The following PDS5B variants were observed in gnomAD, a reference collection of about 807,000 sequenced individuals.
The protein encoded by PDS5B is sister chromatid cohesion protein PDS5 homolog B.
PDS5B carries 51 observed loss-of-function variants against 184.1 expected under a neutral mutation model. The ratio of observed to expected loss-of-function variants is 0.28; its 90% CI spans 0.22 to 0.35. PDS5B has a LOEUF of 0.35. PDS5B is among the 10% of genes least tolerant of loss of function. The pLI, the probability that PDS5B is intolerant of heterozygous loss-of-function variation, is 1.00. For synonymous variants in PDS5B, 566 were observed against 569.2 expected, an observed-to-expected ratio of 0.99 and a Z score of 0.08; for missense variants, 1,180 against 1,723.3, an observed-to-expected ratio of 0.68 and a Z score of 5.58.
At position 32,613,897 on chromosome 13, in the gene PDS5B, T is replaced by G. The variant is rs189224639; in HGVS notation, c.-20+27304T>G. Among the ~76,000 whole-genome samples, 7 of 152,326 alleles carry G rather than the reference T, an allele frequency of 4.6e-5. No individual in the cohort carries two copies. The East Asian group carries it at 1.3e-3, about 29-fold the overall frequency. The stretch of plus-strand genomic sequence containing the variant: ...CTTATATTTAGGTCTTTGGTCTGTT[T>G]TGAGTTAATTTTTGTATATGGTATG... On this transcript the variant is annotated intron_variant, in intron 1 of 34. Coordinates refer to ENST00000315596, the MANE Select transcript of PDS5B (RefSeq NM_015032.4).
chr13:32,675,996 T>C (rs1413243878), intron 9 of PDS5B, 37 bp downstream of exon 9: 1 of 1,162,914 alleles, frequency 8.6e-7, no homozygotes, highest in Non-Finnish European at 1.3e-6. Flanking sequence ...AAGTAATACA[T>C]TATTCTACTG....
rs146230640 is a variant in PDS5B at position 32,724,634 on chromosome 13, T to C, written c.2124-7467T>C. Reference sequence around the variant, plus strand: ...TCTTGCTCTGTTGCCCAGGCTAGAGTGCAGTGGTGCGATCACAGCTCACTG... The same window carrying C: ...TCTTGCTCTGTTGCCCAGGCTAGAGCGCAGTGGTGCGATCACAGCTCACTG... On this transcript the variant is annotated intron_variant, in intron 19 of 34. Coordinates refer to ENST00000315596, the MANE Select transcript of PDS5B (RefSeq NM_015032.4). 2.0e-5 allele frequency among the ~76,000 whole-genome samples: 3 copies of C among 152,262 alleles called. No homozygotes were observed. In the East Asian group the frequency reaches 5.8e-4, roughly 29 times the overall value.
intron 31 of PDS5B, among the ~76,000 whole-genome samples, chr13:32,767,631 T>C (rs1475329446): frequency 1.3e-5 from 2 of 152,042 alleles, no homozygotes; most frequent in African/African-American, 4.8e-5. Flanking sequence ...ATATAACCTT[T>C]AAAAGAAATA....
intron 1 of PDS5B, among the ~76,000 whole-genome samples, chr13:32,616,501 A>G (rs1039357278): frequency 6.6e-6 from 1 of 152,220 alleles, no homozygotes; most frequent in Non-Finnish European, 1.5e-5. Context: ...TGTTACCAAG[A>G]AATATATAAC....
chr13:32,586,771 C>T (rs1241680226), intron 1 of PDS5B, among the ~76,000 whole-genome samples, 178 bp downstream of exon 1: 7 of 145,402 alleles, frequency 4.8e-5, no homozygotes, highest in Non-Finnish European at 1.1e-4. Flanking sequence ...GGGTGGCTGC[C>T]TGGCGGTGGC....
At chr13:32,635,430 G>A (rs778178285) in intron 1 of PDS5B, among the ~76,000 whole-genome samples, 13 of 143,398 alleles carry the variant, frequency 9.1e-5, no homozygotes, top group Non-Finnish European at 1.7e-4. Context: ...TACAACCTCC[G>A]CCTCCCGGGT....
At chr13:32,688,601 C>T in intron 13 of PDS5B, 32 bp downstream of exon 13, 1 of 1,234,560 alleles carries the variant, frequency 8.1e-7, no homozygotes, top group East Asian at 2.3e-5. Context: ...CTGTTCTTTT[C>T]ATCCTTTGCA....
chr13:32,750,913 A>C (rs983704626), intron 24 of PDS5B, among the ~76,000 whole-genome samples: 1 of 150,646 alleles, frequency 6.6e-6, no homozygotes, highest in African/African-American at 2.5e-5. Context: ...TCAGGGGTAC[A>C]TGTACAGGTT....
chr13:32,702,814 A>G (rs577163962), intron 17 of PDS5B, among the ~76,000 whole-genome samples: 3 of 152,262 alleles, frequency 2.0e-5, no homozygotes, highest in Admixed American at 2.0e-4. Flanking sequence ...TTTAACATTG[A>G]GCTTCCTTTT....
At chr13:32,593,582 C>T (rs1434332042) in intron 1 of PDS5B, among the ~76,000 whole-genome samples, 1 of 152,200 alleles carries the variant, frequency 6.6e-6, no homozygotes, top group Non-Finnish European at 1.5e-5. Flanking sequence ...CTCAGGTGAT[C>T]CGCCCGCCTT....
At chr13:32,709,880 A>G (rs765955668) in intron 18 of PDS5B, 66 bp from the exon 19 acceptor site, 14 of 926,434 alleles carry the variant, frequency 1.5e-5, no homozygotes, top group Non-Finnish European at 1.9e-5. Context: ...CTAATATGTA[A>G]TATTTTGGAT....
intron 1 of PDS5B, among the ~76,000 whole-genome samples, chr13:32,590,975 A>G (rs906685553): frequency 6.6e-6 from 1 of 151,952 alleles, no homozygotes; most frequent in Non-Finnish European, 1.5e-5. Context: ...AAAAAAAAAA[A>G]AATTTAATGA....
intron 1 of PDS5B, among the ~76,000 whole-genome samples, chr13:32,612,116 G>A (rs1314999962): frequency 6.6e-6 from 1 of 151,636 alleles, no homozygotes; most frequent in South Asian, 2.1e-4. Flanking sequence ...AGATTTAACT[G>A]GTGTAATTTC....
Position 32,699,756 on chromosome 13 carries a change from C to T in PDS5B, c.1627C>T (p.Gln543Ter). ...AAATTTACCTGATCCTGGTAAGGCT[C>T]AGGATTTCATGAAGAAATTCACACA... Reference protein sequence around the residue: ...TRNLPDPGKAQDFMKKFTQVL... With the variant: ...TRNLPDPGKA Residue 543 changes from glutamine to a stop codon, truncating the protein, a stop_gained, in exon 16 of 35, where the codon CAG (glutamine) becomes TAG (stop). Coordinates refer to ENST00000315596, the MANE Select transcript of PDS5B (RefSeq NM_015032.4). LOFTEE classifies it high-confidence loss of function. 6.4e-7 allele frequency: 1 copy of T among 1,552,988 alleles called. No individual in the cohort carries two copies. Among genetic ancestry groups the T allele is most frequent in the Non-Finnish European group, 8.7e-7 (1 of 1,154,608 alleles).
chr13:32,636,456 G>A (rs1445946325), intron 1 of PDS5B, among the ~76,000 whole-genome samples: 1 of 152,174 alleles, frequency 6.6e-6, no homozygotes, highest in Non-Finnish European at 1.5e-5. Context: ...ATATGGAAGT[G>A]TTTGGGTCTG....
chr13:32,706,907 A>G, intron 17 of PDS5B, 27 bp from the exon 18 acceptor site: 1 of 1,462,434 alleles, frequency 6.8e-7, no homozygotes, highest in Non-Finnish European at 9.5e-7. Context: ...AACATTTGAA[A>G]AAATGACTTT....
chr13:32,769,673 T>C (rs1421968512), intron 31 of PDS5B, among the ~76,000 whole-genome samples: 1 of 152,198 alleles, frequency 6.6e-6, no homozygotes, highest in Non-Finnish European at 1.5e-5. Flanking sequence ...AATAGTTCTT[T>C]TATGATGTTG....
At chr13:32,733,507 G>A (rs1222118672) in intron 20 of PDS5B, among the ~76,000 whole-genome samples, 2 of 152,022 alleles carry the variant, frequency 1.3e-5, no homozygotes, top group African/African-American at 4.8e-5. Context: ...AAGTACTGAG[G>A]GAAGTCTTCA....
At chr13:32,609,239 C>T (rs1462069830) in intron 1 of PDS5B, among the ~76,000 whole-genome samples, 4 of 152,102 alleles carry the variant, frequency 2.6e-5, no homozygotes, top group Non-Finnish European at 5.9e-5. Context: ...TTTTCTTTTA[C>T]CTAAGTCACA....
Sources: allele counts gnomAD v4.1 joint callset (sites outside exome capture counted in the v4.1 genomes callset), GRCh38; gene constraint gnomAD v4.1.1; transcripts MANE v1.5; gene names NCBI Gene and HGNC (gene_info 2026-07-23, HGNC 2026-07-21).